Variants in AHI1 observed in about 807,000 individuals in gnomAD.
The protein encoded by AHI1 is jouberin.
AHI1 carries 123 observed loss-of-function variants against 149.3 expected under a neutral mutation model. That is an observed-to-expected ratio of 0.82 (90% CI 0.71 to 0.96). The LOEUF is 0.96. AHI1 is among the 40% of genes least tolerant of loss of function. The probability of loss-of-function intolerance (pLI) is 0.00; values close to 1 mark genes in which losing one functional copy is unlikely to be tolerated. For synonymous variants in AHI1, 475 were observed against 459.8 expected (o/e 1.03, Z -0.42); for missense variants, 1,439 against 1,422.7 (o/e 1.01, Z -0.18).
At chr6:135,443,491 A>C (rs1222338040) in intron 13 of AHI1, among the ~76,000 whole-genome samples, 2 of 152,200 alleles carry the variant, frequency 1.3e-5, no homozygotes, top group Admixed American at 6.5e-5. Context: ...AGGTCTTTGA[A>C]TATATTCATC....
intron 21 of AHI1, among the ~76,000 whole-genome samples, chr6:135,406,871 A>G (rs1780868654): frequency 1.3e-5 from 2 of 152,172 alleles, no homozygotes; most frequent in Admixed American, 6.5e-5. Flanking sequence ...TGTAGGATTG[A>G]TTAATCTTAA....
At chr6:135,375,971 G>C (rs1286259371) in intron 23 of AHI1, among the ~76,000 whole-genome samples, 1 of 152,024 alleles carries the variant, frequency 6.6e-6, no homozygotes, top group Non-Finnish European at 1.5e-5. Context: ...GAGCAGGAAT[G>C]AATGGGCTCT....
At chr6:135,417,703 A>G (rs1782581507) in intron 20 of AHI1, among the ~76,000 whole-genome samples, 1 of 151,978 alleles carries the variant, frequency 6.6e-6, no homozygotes, top group Non-Finnish European at 1.5e-5. Context: ...CAAGGGGTCA[A>G]ATTAAACACC....
Position 135,301,999 on chromosome 6 carries a change from C to CT in AHI1, c.3427-1442dup, listed in dbSNP as rs566185066. The CT allele has an allele frequency of 9.1e-4, 894 of 983,314 alleles. 3 individuals carry two copies. The highest frequency in any genetic ancestry group is 9.6e-4 in the Non-Finnish European group (794 of 828,200). The allele number at this position is 983,314 out of a possible 1,614,324, so 60.9% of individuals were successfully genotyped here. Reference sequence around the variant, plus strand: ...TAAATGTGAAATGTTTTATTCTTTTCTTTTTTTTAAGAGATTGGGTCATGC... The same window carrying CT: ...TAAATGTGAAATGTTTTATTCTTTTCTTTTTTTTTAAGAGATTGGGTCATGC... On this transcript the variant is annotated intron_variant, in intron 26 of 28. Transcript: ENST00000265602.
At chr6:135,438,248 A>AT in intron 15 of AHI1, 127 bp downstream of exon 15, 4 of 867,776 alleles carry the variant, frequency 4.6e-6, no homozygotes, top group Non-Finnish European at 6.4e-6. Flanking sequence ...TGCATGATGC[A>AT]TATTTATGAC....
At chr6:135,359,493 A>AT (rs899481652) in intron 23 of AHI1, among the ~76,000 whole-genome samples, 1 of 152,006 alleles carries the variant, frequency 6.6e-6, no homozygotes, top group African/African-American at 2.4e-5. Flanking sequence ...TTTTGGGTTA[A>AT]TTTTTTTTCA....
At chr6:135,418,679 T>A (rs1782718389) in intron 20 of AHI1, among the ~76,000 whole-genome samples, 1 of 152,114 alleles carries the variant, frequency 6.6e-6, no homozygotes, top group Admixed American at 6.6e-5. Flanking sequence ...AATCACAACA[T>A]ATTCTTTCTC....
chr6:135,464,209 TAAGACTAGAGA>T (rs1230287054), intron 7 of AHI1, among the ~76,000 whole-genome samples: 5 of 152,112 alleles, frequency 3.3e-5, no homozygotes, highest in African/African-American at 1.2e-4. Context: ...TTGAGGAAAG[TAAGACTAGAGA>T]AATATTTCAA....
Position 135,339,010 on chromosome 6 carries a change from C to G in AHI1, c.3166-15686G>C, listed in dbSNP as rs559950165. Among the ~76,000 whole-genome samples the G allele has an allele frequency of 3.6e-3, 540 of 152,046 alleles. 1 individual carries two copies. Among genetic ancestry groups the G allele is most frequent in the African/African-American group, 0.013 (520 of 41,448 alleles). On this transcript the variant is annotated intron_variant, in intron 24 of 28. Transcript: ENST00000265602. ...TGGTGCAATCTCGGCTCACTGCAAC[C>G]TCTGCCTACCGGGTTCAAGTGATCC... is the stretch of plus-strand genomic sequence containing the variant.
chr6:135,431,899 C>T (rs1264357427), intron 16 of AHI1, among the ~76,000 whole-genome samples: 1 of 151,818 alleles, frequency 6.6e-6, no homozygotes, highest in African/African-American at 2.4e-5. Context: ...TGGTGAACTG[C>T]TTCCTGTATT....
intron 21 of AHI1, among the ~76,000 whole-genome samples, chr6:135,409,571 C>T (rs1449481318): frequency 6.6e-6 from 1 of 152,158 alleles, no homozygotes; most frequent in Non-Finnish European, 1.5e-5. Flanking sequence ...CCTTTCCCCA[C>T]TGATTTATCT....
intron 26 of AHI1, among the ~76,000 whole-genome samples, chr6:135,303,468 C>T (rs986932340): frequency 9.2e-5 from 14 of 151,792 alleles, no homozygotes; most frequent in Admixed American, 7.2e-4. Flanking sequence ...AGAGGAAAAA[C>T]AACTAAAGTT....
At chr6:135,388,062 C>T in intron 23 of AHI1, 1 of 1,611,984 alleles carries the variant, frequency 6.2e-7, no homozygotes, top group Non-Finnish European at 8.5e-7. Context: ...TCGTTAAAAA[C>T]TGCATAATAA....
Position 135,457,516 on chromosome 6 carries a change from G to T in AHI1, c.1129C>A (p.Gln377Lys). Residue 377 changes from glutamine to lysine, a missense_variant, in exon 9 of 29, where the codon CAA (glutamine) becomes AAA (lysine). Gln to Lys is a moderately conservative substitution (Grantham distance 53). Transcript: ENST00000265602. ...TACCTATCATCTTTCTTGACATATTGACCAGTATGCTCATCAACCACATGA... is the reference window on the plus strand; with the variant it reads ...TACCTATCATCTTTCTTGACATATTTACCAGTATGCTCATCAACCACATGA... Reference protein sequence around the residue: ...KIHVVDEHTGQYVKKDDSGRP... With the variant: ...KIHVVDEHTGKYVKKDDSGRP... The T allele has an allele frequency of 6.2e-7, 1 of 1,613,072 alleles. No homozygotes were observed. The highest frequency in any genetic ancestry group is 1.1e-5 in the South Asian group (1 of 90,914).
chr6:135,452,032 C>A (rs1028469295), intron 11 of AHI1, among the ~76,000 whole-genome samples: 6 of 152,112 alleles, frequency 3.9e-5, no homozygotes, highest in African/African-American at 1.4e-4. Context: ...GACTATAAAA[C>A]TTCTAAAATC....
chr6:135,302,262 A>T, intron 26 of AHI1: 2 of 985,512 alleles, frequency 2.0e-6, no homozygotes, highest in Non-Finnish European at 2.4e-6. Flanking sequence ...CTTTTCAAAA[A>T]ACTCAACATT....
At chr6:135,424,974 A>C (rs992339870) in intron 20 of AHI1, among the ~76,000 whole-genome samples, 2 of 151,960 alleles carry the variant, frequency 1.3e-5, no homozygotes, top group Non-Finnish European at 2.9e-5. Context: ...CATAAGACAA[A>C]ACTCTAATAG....
At position 135,315,455 on chromosome 6, in the gene AHI1, G is replaced by T. The variant is rs150585127; in HGVS notation, c.3426+3064C>A. Among the ~76,000 whole-genome samples the T allele has an allele frequency of 1.3e-5, 2 of 152,182 alleles. 1 individual carries two copies. Among genetic ancestry groups the T allele is most frequent in the East Asian group, 3.9e-4 (2 of 5,190 alleles). On this transcript the variant is annotated intron_variant, in intron 26 of 28. Coordinates refer to ENST00000265602, the MANE Select transcript of AHI1 (RefSeq NM_001134831.2). Reference sequence around the variant, plus strand: ...AACTCTGCCAATCTTCTGATTCTACGTCCTTTCCAAATGGATAATCCTCTA... The same window carrying T: ...AACTCTGCCAATCTTCTGATTCTACTTCCTTTCCAAATGGATAATCCTCTA...
At chr6:135,408,571 G>A (rs993799405) in intron 21 of AHI1, among the ~76,000 whole-genome samples, 4 of 152,008 alleles carry the variant, frequency 2.6e-5, no homozygotes, top group Non-Finnish European at 5.9e-5. Flanking sequence ...AATGTAATCT[G>A]CATCCTGATA....
Sources: allele counts gnomAD v4.1 joint callset (sites outside exome capture counted in the v4.1 genomes callset), GRCh38; gene constraint gnomAD v4.1.1; transcripts MANE v1.5; gene names NCBI Gene and HGNC (gene_info 2026-07-23, HGNC 2026-07-21).